MEGF6: variants seen among roughly 807,000 people sequenced by gnomAD.
MEGF6 encodes the protein multiple epidermal growth factor-like domains protein 6.
MEGF6 carries 184 observed loss-of-function variants against 207.1 expected under a neutral mutation model. That is an observed-to-expected ratio of 0.89 (90% CI 0.79 to 1.00). The LOEUF (loss-of-function observed/expected upper bound fraction) is 1.00, where lower values mean the gene tolerates loss of function less well. Among genes scored for constraint, MEGF6 ranks in the 50% least tolerant of loss-of-function variants. The pLI is 0.00. For missense variants in MEGF6, 2,282 were observed against 2,202.9 expected (o/e 1.04, Z -0.72); for synonymous variants, 1,038 against 910.0 (o/e 1.14, Z -2.53).
At position 3,511,694 on chromosome 1, in the gene MEGF6, T is replaced by C. The variant is rs1641351546; in HGVS notation, c.977-7A>G. 6 of 1,600,962 alleles carry C rather than the reference T, an allele frequency of 3.7e-6. No individual in the cohort carries two copies. In the Middle Eastern group the frequency reaches 5.0e-4, roughly 132 times the overall value. ...ACGATTTCCATCTCAATCCCTGCCG[T>C]GAGACCAGCCACCCAGGGTATGGGA... On this transcript the variant is annotated splice_polypyrimidine_tract_variant and splice_region_variant and intron_variant, in intron 8 of 36. Coordinates refer to ENST00000356575, the MANE Select transcript of MEGF6 (RefSeq NM_001409.4).
intron 4 of MEGF6, among the ~76,000 whole-genome samples, chr1:3,576,205 C>T (rs1156508479): frequency 2.0e-5 from 3 of 152,248 alleles, no homozygotes; most frequent in African/African-American, 7.2e-5. Context: ...GGCAGACAGG[C>T]CCGCTTTGTG....
chr1:3,598,537 C>T (rs1644107456), intron 2 of MEGF6, among the ~76,000 whole-genome samples: 1 of 152,192 alleles, frequency 6.6e-6, no homozygotes, highest in South Asian at 2.1e-4. Flanking sequence ...TGCCGGGCTA[C>T]GTGCTGCTTC....
chr1:3,593,797 C>T (rs1350045470), intron 3 of MEGF6, among the ~76,000 whole-genome samples: 3 of 152,124 alleles, frequency 2.0e-5, no homozygotes, highest in Non-Finnish European at 4.4e-5. Context: ...ACAGTGGGGG[C>T]TGGGACCCCC....
At chr1:3,526,261 G>T (rs1263177206) in intron 4 of MEGF6, among the ~76,000 whole-genome samples, 1 of 152,210 alleles carries the variant, frequency 6.6e-6, no homozygotes, top group Non-Finnish European at 1.5e-5. Flanking sequence ...AGACCACACG[G>T]GCCACATGGA....
chr1:3,496,573 G>A, intron 29 of MEGF6, 82 bp downstream of exon 29: 2 of 1,532,670 alleles, frequency 1.3e-6, no homozygotes, highest in Admixed American at 2.0e-5. Context: ...GGGCAGTCGG[G>A]GGCCATCCTC....
chr1:3,600,683 A>T (rs1304769608), intron 2 of MEGF6, among the ~76,000 whole-genome samples: 4 of 152,138 alleles, frequency 2.6e-5, no homozygotes, highest in Non-Finnish European at 5.9e-5. Flanking sequence ...GGGGACACAA[A>T]TTGGAAACGT....
At position 3,488,600 on chromosome 1, in the gene MEGF6, T is replaced by A. The variant is rs1195989710; in HGVS notation, c.*1928A>T. On this transcript the variant is annotated 3_prime_UTR_variant, in exon 37 of 37. Coordinates refer to ENST00000356575, the MANE Select transcript of MEGF6 (RefSeq NM_001409.4). Reference sequence around the variant, plus strand: ...AGGCCTTGAAGGCCTAAGAATAACATGGACTTTGCATGCCTTTGATAGTTT... The same window carrying A: ...AGGCCTTGAAGGCCTAAGAATAACAAGGACTTTGCATGCCTTTGATAGTTT... Among the ~76,000 whole-genome samples, 13 of 152,252 alleles carry A rather than the reference T, an allele frequency of 8.5e-5. No individual in the cohort carries two copies. The highest frequency in any genetic ancestry group is 3.1e-4 in the African/African-American group (13 of 41,460).
intron 4 of MEGF6, among the ~76,000 whole-genome samples, chr1:3,542,615 G>A (rs911932311): frequency 1.2e-4 from 19 of 152,234 alleles, no homozygotes; most frequent in Non-Finnish European, 2.5e-4. Context: ...CTCTCTGTCC[G>A]GGGTTTCTCT....
chr1:3,590,136 CA>C (rs1643952931), intron 3 of MEGF6, among the ~76,000 whole-genome samples: 1 of 152,196 alleles, frequency 6.6e-6, no homozygotes, highest in Admixed American at 6.5e-5. Flanking sequence ...GGGCTGCAGG[CA>C]GGGTATTCCT....
intron 4 of MEGF6, among the ~76,000 whole-genome samples, chr1:3,555,441 A>C (rs556535427): frequency 6.6e-6 from 1 of 152,332 alleles, no homozygotes; most frequent in African/African-American, 2.4e-5. Context: ...CGAGACAGGA[A>C]AGTACAGGCA....
intron 7 of MEGF6, 78 bp from the exon 8 acceptor site, chr1:3,512,206 C>T (rs1299527096): frequency 4.6e-5 from 69 of 1,508,398 alleles, no homozygotes; most frequent in South Asian, 3.4e-4. Flanking sequence ...AGACAGTGCA[C>T]GGCCTGCTGA....
At chr1:3,502,576 C>T (rs867247951) in intron 17 of MEGF6, among the ~76,000 whole-genome samples, 3 of 152,126 alleles carry the variant, frequency 2.0e-5, no homozygotes, top group African/African-American at 4.8e-5. Context: ...GGCCTAGGGT[C>T]CCCCCTGCTC....
chr1:3,536,913 C>T (rs1462716710), intron 4 of MEGF6, among the ~76,000 whole-genome samples: 1 of 152,280 alleles, frequency 6.6e-6, no homozygotes, highest in African/African-American at 2.4e-5. Flanking sequence ...GTGTGTCTGT[C>T]CCTCAGTGCT....
At chr1:3,546,937 G>A (rs1470471140) in intron 4 of MEGF6, 1 of 175,970 alleles carries the variant, frequency 5.7e-6, no homozygotes, top group East Asian at 1.9e-4. Context: ...GCCAGGCGGG[G>A]TGGCAGTGGG....
At chr1:3,563,695 A>AG (rs1252236457) in intron 4 of MEGF6, among the ~76,000 whole-genome samples, 1 of 152,202 alleles carries the variant, frequency 6.6e-6, no homozygotes, top group Non-Finnish European at 1.5e-5. Context: ...GACACCCCTA[A>AG]GAAAGAGAGA....
At chr1:3,611,827 C>T (rs1644332152), upstream of MEGF6, among the ~76,000 whole-genome samples, 1 of 151,392 alleles carries the variant, frequency 6.6e-6, no homozygotes, top group Non-Finnish European at 1.5e-5. Context: ...CCCTGCTCGT[C>T]TCATGCGGAA....
At chr1:3,530,804 G>A (rs1447673848) in intron 4 of MEGF6, among the ~76,000 whole-genome samples, 1 of 152,216 alleles carries the variant, frequency 6.6e-6, no homozygotes, top group African/African-American at 2.4e-5. Context: ...TGCTCCCACA[G>A]ACAAAGTCAG....
At chr1:3,574,934 C>A (rs139106606) in intron 4 of MEGF6, among the ~76,000 whole-genome samples, 3 of 152,200 alleles carry the variant, frequency 2.0e-5, no homozygotes, top group Admixed American at 2.0e-4. Context: ...TGAGCCACCA[C>A]GCCTGGCTTG....
At chr1:3,540,863 G>A (rs1191804900) in intron 4 of MEGF6, among the ~76,000 whole-genome samples, 1 of 152,332 alleles carries the variant, frequency 6.6e-6, no homozygotes. Flanking sequence ...TCGAACGCAG[G>A]AATTTTGCAG....
Sources: gnomAD v4.1 joint callset for allele counts (sites outside exome capture counted in the v4.1 genomes callset) on GRCh38, gnomAD v4.1.1 for gene constraint, MANE v1.5 for transcripts, NCBI Gene and HGNC (gene_info 2026-07-23, HGNC 2026-07-21) for gene names.